The following SURF4 variants were observed in gnomAD, a reference collection of about 807,000 sequenced individuals.
SURF4 encodes surfeit 4.
A neutral mutation model predicts 30.0 loss-of-function variants in SURF4; 3 were observed. The observed-to-expected ratio is 0.10, with a 90% confidence interval of 0.05 to 0.26. The LOEUF is 0.26. Ranked by LOEUF, SURF4 falls within the 10% of genes least tolerant of loss-of-function variation. The pLI is 1.00. For missense variants in SURF4, 217 were observed against 350.8 expected, an observed-to-expected ratio of 0.62 and a Z score of 3.05; for synonymous variants, 143 against 139.9, an observed-to-expected ratio of 1.02 and a Z score of -0.16.
rs2130154090 is a variant in SURF4 at position 133,368,099 on chromosome 9, G to A, written c.49-654C>T. Among the ~76,000 whole-genome samples the A allele has an allele frequency of 5.3e-5, 8 of 152,360 alleles. No individual in the cohort carries two copies. In the East Asian group the frequency reaches 9.7e-4, roughly 18 times the overall value. On this transcript the variant is annotated intron_variant, in intron 1 of 5. Transcript: ENST00000371989. ...TACAAATGGCTATATTAAACCCAGCGGGAAGGGGTTCCCCTAGGCTTCGCA... is the reference window on the plus strand; with the variant it reads ...TACAAATGGCTATATTAAACCCAGCAGGAAGGGGTTCCCCTAGGCTTCGCA...
Position 133,364,974 on chromosome 9 carries a change from C to T in SURF4, c.409G>A (p.Glu137Lys). The T allele has an allele frequency of 6.2e-7, 1 of 1,609,180 alleles. No homozygotes were observed. The highest frequency in any genetic ancestry group is 8.5e-7 in the Non-Finnish European group (1 of 1,177,446). Reference sequence around the variant, plus strand: ...ACGCCCGCAAACATGCTCTTCCCTTCAGAACGGGATTCTGCTAGGAGCAGC... The same window carrying T: ...ACGCCCGCAAACATGCTCTTCCCTTTAGAACGGGATTCTGCTAGGAGCAGC... ...LLLLLAESRS[E>K]GKSMFAGVPT... is the part of the protein sequence containing the mutation. The change falls in exon 5 of 6, where the codon GAA (glutamate) becomes AAA (lysine). Residue 137 changes from glutamate to lysine, a missense_variant. Coordinates refer to ENST00000371989, the MANE Select transcript of SURF4 (RefSeq NM_033161.4).
chr9:133,371,837 A>G (rs2130192366), intron 1 of SURF4, among the ~76,000 whole-genome samples: 1 of 152,092 alleles, frequency 6.6e-6, no homozygotes, highest in African/African-American at 2.4e-5. Flanking sequence ...CAGCACTTCA[A>G]CTAGGGCCGA....
chr9:133,364,209 G>A (rs920464531), intron 5 of SURF4, among the ~76,000 whole-genome samples: 1 of 152,134 alleles, frequency 6.6e-6, no homozygotes, highest in Non-Finnish European at 1.5e-5. Flanking sequence ...CTGACACACA[G>A]GAATTACTTG....
At chr9:133,377,231 A>T (rs1007329270), upstream of SURF4, among the ~76,000 whole-genome samples, 1 of 152,078 alleles carries the variant, frequency 6.6e-6, no homozygotes, top group Admixed American at 6.5e-5. Context: ...TTAAAAAAAA[A>T]TAGACGTTTC....
intron 5 of SURF4, 148 bp downstream of exon 5, chr9:133,364,690 CAA>C (rs587654637): frequency 0.033 from 15,241 of 456,674 alleles, no homozygotes; most frequent in East Asian, 0.04. Flanking sequence ...GACTCCGTCT[CAA>C]AAAAAAAAAA....
chr9:133,374,641 A>C (rs1298630927), intron 1 of SURF4, among the ~76,000 whole-genome samples: 1 of 152,188 alleles, frequency 6.6e-6, no homozygotes, highest in Admixed American at 6.5e-5. Flanking sequence ...TTAGGGAAAA[A>C]ATGCTTCGTC....
Position 133,364,922 on chromosome 9 carries a change from T to C in SURF4, c.461A>G (p.Lys154Arg). The change falls in exon 5 of 6, where the codon AAA (lysine) becomes AGA (arginine). Residue 154 changes from lysine (K) to arginine (R), a missense_variant. By Grantham distance (26) the Lys-to-Arg change is conservative. Coordinates refer to ENST00000371989, the MANE Select transcript of SURF4 (RefSeq NM_033161.4). ...GVPTMRESSP[K>R]QYMQLGGRVL... ...CCTGCCTCCGAGCTGCATGTACTGTTTGGGGGAGCTCTCACGCATGGTGGG... is the reference window on the plus strand; with the variant it reads ...CCTGCCTCCGAGCTGCATGTACTGTCTGGGGGAGCTCTCACGCATGGTGGG... The C allele has an allele frequency of 6.2e-7, 1 of 1,613,940 alleles. No homozygotes were observed. The highest frequency in any genetic ancestry group is 8.5e-7 in the Non-Finnish European group (1 of 1,179,964).
upstream of SURF4, chr9:133,376,274 G>C (rs1256528733): frequency 9.2e-5 from 121 of 1,311,004 alleles, no homozygotes; most frequent in Non-Finnish European, 1.1e-4. Context: ...GCCGCGCGCA[G>C]GCCCTGCGGT....
chr9:133,364,816 G>C (rs2130109749), intron 5 of SURF4, 24 bp downstream of exon 5: 32 of 1,613,400 alleles, frequency 2.0e-5, no homozygotes, highest in Non-Finnish European at 1.9e-5. Context: ...AACCAGACCG[G>C]TTCAGGCAAG....
At chr9:133,372,155 C>T (rs907442512) in intron 1 of SURF4, among the ~76,000 whole-genome samples, 5 of 152,200 alleles carry the variant, frequency 3.3e-5, no homozygotes, top group Admixed American at 2.0e-4. Flanking sequence ...GCATAGAGCA[C>T]GTCTCAGCAG....
At chr9:133,370,169 G>A (rs1305437193) in intron 1 of SURF4, among the ~76,000 whole-genome samples, 2 of 152,226 alleles carry the variant, frequency 1.3e-5, no homozygotes, top group Non-Finnish European at 2.9e-5. Flanking sequence ...GATTGAGGCA[G>A]TGTTTAAAAG....
intron 2 of SURF4, 36 bp downstream of exon 2, chr9:133,367,223 G>A (rs2130137147): frequency 1.2e-5 from 20 of 1,604,780 alleles, no homozygotes; most frequent in African/African-American, 6.7e-5. Context: ...GGAACAAGAC[G>A]CCCAGTGAAT....
intron 3 of SURF4, 48 bp from the exon 4 acceptor site, chr9:133,366,076 G>GCATTTCCACAGACTT: frequency 1.3e-6 from 2 of 1,583,896 alleles, no homozygotes; most frequent in Non-Finnish European, 1.7e-6. Flanking sequence ...CTTTCCAAAG[G>GCATTTCCACAGACTT]CATTTCCACA....
intron 1 of SURF4, among the ~76,000 whole-genome samples, chr9:133,373,158 G>A (rs1022943956): frequency 1.3e-5 from 2 of 152,192 alleles, no homozygotes; most frequent in African/African-American, 2.4e-5. Flanking sequence ...ACCAAGACCC[G>A]GCTTTTCTTG....
chr9:133,361,472 A>G lies in SURF4; in HGVS notation c.*2021T>C. The G allele has an allele frequency of 4.8e-6, 1 of 206,270 alleles. No homozygotes were observed. The highest frequency in any genetic ancestry group is 1.0e-5 in the Non-Finnish European group (1 of 100,478). 12.8% of individuals were successfully genotyped at this position (206,270 alleles called of 1,614,324 possible). ...TATAGGATCACACTGCATACAACAAACGCCATTATTTATTTTGATGTGTTT... is the reference window on the plus strand; with the variant it reads ...TATAGGATCACACTGCATACAACAAGCGCCATTATTTATTTTGATGTGTTT... On this transcript the variant is annotated 3_prime_UTR_variant, in exon 6 of 6. Coordinates refer to ENST00000371989, the MANE Select transcript of SURF4 (RefSeq NM_033161.4).
chr9:133,366,081 T>G (rs2119132361), intron 3 of SURF4, 53 bp from the exon 4 acceptor site: 1 of 1,556,652 alleles, frequency 6.4e-7, no homozygotes, highest in East Asian at 2.2e-5. Flanking sequence ...CAAAGGCATT[T>G]CCACAGACTT....
chr9:133,376,304 C>A, upstream of SURF4: 3 of 1,341,332 alleles, frequency 2.2e-6, no homozygotes, highest in South Asian at 5.7e-5. Context: ...CCCGGCGGAA[C>A]GCGTCCCTTT....
At position 133,376,052 on chromosome 9, in the gene SURF4, A is replaced by G. The variant is rs1837909542; in HGVS notation, c.-83T>C. 8.4e-7 allele frequency: 1 copy of G among 1,187,590 alleles called. No homozygotes were observed. Among genetic ancestry groups the G allele is most frequent in the African/African-American group, 1.6e-5 (1 of 62,350 alleles). The allele number at this position is 1,187,590 out of a possible 1,614,324, so 73.6% of individuals were successfully genotyped here. A position where few individuals can be genotyped will look rare whatever the true frequency, so the allele number is the denominator to read the frequency against. ...GGCGCCCGCACCCGCTGCGGCCTCC[A>G]CAGGAAGTGCCCGGCGGCCGGCCTC... On this transcript the variant is annotated 5_prime_UTR_variant, in exon 1 of 6. Coordinates refer to ENST00000371989, the MANE Select transcript of SURF4 (RefSeq NM_033161.4).
intron 2 of SURF4, 52 bp downstream of exon 2, chr9:133,367,207 G>C: frequency 1.9e-6 from 3 of 1,591,218 alleles, no homozygotes; most frequent in South Asian, 1.1e-5. Flanking sequence ...AACTGCTAAC[G>C]ATCATGGAAC....
Sources: allele counts gnomAD v4.1 joint callset (sites outside exome capture counted in the v4.1 genomes callset), GRCh38; gene constraint gnomAD v4.1.1; transcripts MANE v1.5; gene names NCBI Gene and HGNC (gene_info 2026-07-23, HGNC 2026-07-21).